The following PNMA6E variants were observed in gnomAD, a reference collection of about 807,000 sequenced individuals.
PNMA6E encodes the protein paraneoplastic antigen Ma6E.
For missense variants in PNMA6E, 78 were observed against 50.8 expected (o/e 1.53, Z -1.63); for synonymous variants, 43 against 17.1 (o/e 2.52, Z -3.74).
the PNMA6E span, among the ~76,000 whole-genome samples, chrX:153,409,828 C>T: frequency 8.9e-6 from 1 of 112,263 alleles, no homozygotes; most frequent in South Asian, 3.7e-4. Flanking sequence ...GCCGCTCACA[C>T]TCTCTGGAAA....
the PNMA6E span, among the ~76,000 whole-genome samples, chrX:153,409,584 C>T: frequency 8.8e-6 from 1 of 113,269 alleles, no homozygotes; most frequent in Non-Finnish European, 1.9e-5. Flanking sequence ...TCTTCACTTG[C>T]TCTAGGCGTC....
the PNMA6E span, among the ~76,000 whole-genome samples, chrX:153,409,979 C>T: frequency 2.7e-5 from 3 of 112,355 alleles, no homozygotes. Context: ...TCCCTCGTGT[C>T]GGAGTGGCCT....
upstream of PNMA6E, among the ~76,000 whole-genome samples, chrX:153,401,917 C>T (rs782155267): frequency 2.9e-4 from 30 of 105,099 alleles, 1 homozygote; most frequent in South Asian, 0.011. Flanking sequence ...CTCCGCCTCC[C>T]GGGTACAAGC....
chrX:153,402,704 T>C (rs1556971605), upstream of PNMA6E, among the ~76,000 whole-genome samples: 2 of 112,524 alleles, frequency 1.8e-5, no homozygotes, highest in Admixed American at 1.9e-4. Flanking sequence ...CTGTAGCATT[T>C]ATTTTAATGC....
In PNMA6E at chrX:153,397,485, C is replaced by G. The variant is rs782641874; in HGVS notation, c.1365G>C (p.Val455=). The G allele has an allele frequency of 7.7e-5, 23 of 297,718 alleles. No individual in the cohort carries two copies. Among genetic ancestry groups the G allele is most frequent in the African/African-American group, 4.3e-4 (16 of 36,986 alleles). The allele number at this position is 297,718 out of a possible 1,213,427, so 24.5% of individuals were successfully genotyped here. The change falls in exon 2 of 2, where the codon GTG becomes GTC. Residue 455 remains valine (V), a synonymous_variant. Coordinates refer to ENST00000445091, the MANE Select transcript of PNMA6E (RefSeq NM_001367770.1). The stretch of plus-strand genomic sequence containing the variant: ...CCTCGCTGGGGCGGGCCCAAGACAG[C>G]ACCTGCTGTAGTCGCAGGTAATTGG... ...ALANYLRLQQ[V]LSWARPSEAL...
the PNMA6E span, among the ~76,000 whole-genome samples, chrX:153,409,314 C>G: frequency 8.9e-6 from 1 of 112,842 alleles, no homozygotes; most frequent in African/African-American, 3.2e-5. Context: ...GTTCTGAATC[C>G]GGGTTTGCTG....
chrX:153,399,790 G>A (rs2088836470), intron 1 of PNMA6E, among the ~76,000 whole-genome samples: 1 of 111,176 alleles, frequency 9.0e-6, no homozygotes, highest in African/African-American at 3.3e-5. Context: ...GCTCTTTTTC[G>A]AGCTTCTTTA....
At chrX:153,411,175 C>A in the PNMA6E span, among the ~76,000 whole-genome samples, 1 of 111,999 alleles carries the variant, frequency 8.9e-6, no homozygotes, top group Non-Finnish European at 1.9e-5. Context: ...GGGACCCCAG[C>A]GAGATGAATA....
the PNMA6E span, among the ~76,000 whole-genome samples, chrX:153,412,150 G>C: frequency 8.9e-6 from 1 of 112,785 alleles, no homozygotes; most frequent in Non-Finnish European, 1.9e-5. Context: ...GCTCCAGAGG[G>C]TATCAGGTGG....
At chrX:153,413,978 CAG>C in the PNMA6E span, among the ~76,000 whole-genome samples, 1 of 112,481 alleles carries the variant, frequency 8.9e-6, no homozygotes, top group Non-Finnish European at 1.9e-5. Context: ...GGTGTTCACT[CAG>C]GGGGTCACCA....
At chrX:153,411,403 C>G in the PNMA6E span, among the ~76,000 whole-genome samples, 4 of 108,801 alleles carry the variant, frequency 3.7e-5, no homozygotes, top group African/African-American at 1.3e-4. Flanking sequence ...CGCCATCCCT[C>G]TGCGCCGCGC....
At chrX:153,409,052 G>C in the PNMA6E span, among the ~76,000 whole-genome samples, 1 of 113,133 alleles carries the variant, frequency 8.8e-6, no homozygotes, top group African/African-American at 3.2e-5. Flanking sequence ...CTGCCCCCAG[G>C]AGGGGGCTGC....
Position 153,395,719 on chromosome X carries a change from CTG to C in PNMA6E, c.*1185_*1186del, listed in dbSNP as rs1416813868. ...AAGGAAACCACAATACAGAGAGAAACTGTAAACAGCCACCACAGGACACAGGT... is the reference window on the plus strand; with the variant it reads ...AAGGAAACCACAATACAGAGAGAAACTAAACAGCCACCACAGGACACAGGT... On this transcript the variant is annotated 3_prime_UTR_variant, in exon 2 of 2. Transcript: ENST00000445091. 9.8e-5 allele frequency: 11 copies of C among 112,674 alleles called. No individual in the cohort carries two copies. Among genetic ancestry groups the C allele is most frequent in the African/African-American group, 3.6e-4 (11 of 30,440 alleles). The allele number at this position is 112,674 out of a possible 1,213,427, so 9.3% of individuals were successfully genotyped here. A position where few individuals can be genotyped will look rare whatever the true frequency, so the allele number is the denominator to read the frequency against.
At chrX:153,412,984 C>T in the PNMA6E span, among the ~76,000 whole-genome samples, 40 of 111,491 alleles carry the variant, frequency 3.6e-4, no homozygotes, top group Non-Finnish European at 6.4e-4. Flanking sequence ...TGGAGGGCCC[C>T]GGTCGACCCA....
At chrX:153,411,976 G>A in the PNMA6E span, among the ~76,000 whole-genome samples, 6 of 112,915 alleles carry the variant, frequency 5.3e-5, no homozygotes, top group Admixed American at 1.8e-4. Context: ...CACCGGTCCC[G>A]AGGCTGGCTA....
upstream of PNMA6E, among the ~76,000 whole-genome samples, chrX:153,406,249 G>A (rs1199581594): frequency 1.8e-5 from 2 of 112,145 alleles, no homozygotes; most frequent in Non-Finnish European, 3.8e-5. Context: ...AGTCCCTCAG[G>A]GTTCTCAGTT....
At chrX:153,407,792 T>C in the PNMA6E span, among the ~76,000 whole-genome samples, 2 of 112,270 alleles carry the variant, frequency 1.8e-5, no homozygotes, top group Non-Finnish European at 3.8e-5. Flanking sequence ...CATGTGTTCC[T>C]GGGGCAACTG....
upstream of PNMA6E, among the ~76,000 whole-genome samples, chrX:153,401,833 G>GTTT (rs1556971445): frequency 4.0e-5 from 2 of 50,014 alleles, no homozygotes; most frequent in African/African-American, 7.3e-5. Flanking sequence ...CGCCAGGCTG[G>GTTT]ATTTTTTTTT....
chrX:153,408,977 G>T, the PNMA6E span, among the ~76,000 whole-genome samples: 5 of 112,675 alleles, frequency 4.4e-5, no homozygotes, highest in Non-Finnish European at 9.4e-5. Flanking sequence ...ACAGCTTGAC[G>T]TCACCCTGGA....
Sources: allele counts gnomAD v4.1 joint callset (sites outside exome capture counted in the v4.1 genomes callset), GRCh38; gene constraint gnomAD v4.1.1; transcripts MANE v1.5; gene names NCBI Gene and HGNC (gene_info 2026-07-23, HGNC 2026-07-21).